NF1: variants seen among roughly 807,000 people sequenced by gnomAD.
The protein encoded by NF1 is neurofibromin 1, also known as neurofibromin.
In NF1, 122 loss-of-function variants were observed where a neutral mutation model predicts 325.7. The observed-to-expected ratio is 0.37, with a 90% CI of 0.32 to 0.44. The LOEUF (loss-of-function observed/expected upper bound fraction) is 0.44. Ranked by LOEUF, NF1 falls within the 20% of genes least tolerant of loss-of-function variation. The pLI is 1.00. For missense variants in NF1, 2,140 were observed against 3,415.4 expected, an observed-to-expected ratio of 0.63 and a Z score of 9.31; for synonymous variants, 1,091 against 1,186.0, an observed-to-expected ratio of 0.92 and a Z score of 1.65.
intron 3 of NF1, among the ~76,000 whole-genome samples, chr17:31,162,342 T>C (rs1193600571): frequency 6.6e-6 from 1 of 152,142 alleles, no homozygotes; most frequent in East Asian, 1.9e-4. Flanking sequence ...CTGGGCATGG[T>C]GGCGGGCGCC....
At chr17:31,162,329 T>G (rs1278595779) in intron 3 of NF1, among the ~76,000 whole-genome samples, 6 of 151,958 alleles carry the variant, frequency 3.9e-5, no homozygotes, top group Non-Finnish European at 8.8e-5. Context: ...ATACAAAAAT[T>G]AGCTGGGCAT....
intron 8 of NF1, among the ~76,000 whole-genome samples, chr17:31,191,465 G>A (rs2066341171): frequency 6.6e-6 from 1 of 152,164 alleles, no homozygotes; most frequent in Admixed American, 6.5e-5. Context: ...AGGAACTACT[G>A]ACTCGGCAAC....
Position 31,374,024 on chromosome 17 carries a change from G to A in NF1, c.8389G>A (p.Glu2797Lys), listed in dbSNP as rs1567634460. The part of the protein sequence containing the change: ...TSQHSPGIDK[E>K]NVELSPTTGH... ...CTCTTTTTCTCCAGGAATCGACAAG[G>A]AGAACGTTGAACTCTCCCCTACCAC... The change falls in exon 58 of 58, where the codon GAG becomes AAG. Residue 2797 changes from glutamate to lysine, a missense_variant. By Grantham distance (56) the Glu-to-Lys change is moderately conservative. This residue lies in a region of NF1 where 522 missense variants were observed against 749.0 expected (regional missense o/e 0.70). Coordinates refer to ENST00000358273, the MANE Select transcript of NF1 (RefSeq NM_001042492.3). 1.2e-6 allele frequency: 2 copies of A among 1,614,042 alleles called. No individual in the cohort carries two copies. The highest frequency in any genetic ancestry group is 2.2e-5 in the South Asian group (2 of 91,080).
intron 36 of NF1, among the ~76,000 whole-genome samples, chr17:31,313,394 T>C (rs932247663): frequency 6.6e-6 from 1 of 152,256 alleles, no homozygotes; most frequent in East Asian, 1.9e-4. Context: ...TTTTTAATTC[T>C]AAAACTAAGG....
intron 3 of NF1, among the ~76,000 whole-genome samples, chr17:31,162,518 A>G (rs1007105696): frequency 2.0e-5 from 3 of 152,192 alleles, no homozygotes; most frequent in African/African-American, 7.2e-5. Flanking sequence ...AAAAATGCCT[A>G]TGAAAGACAT....
chr17:31,246,082 C>A (rs1261314861), intron 29 of NF1, among the ~76,000 whole-genome samples: 1 of 152,068 alleles, frequency 6.6e-6, no homozygotes, highest in East Asian at 1.9e-4. Context: ...ATCACAATAC[C>A]CTTGAATTAT....
intron 57 of NF1, among the ~76,000 whole-genome samples, chr17:31,364,815 T>C (rs956835660): frequency 1.3e-5 from 2 of 152,242 alleles, no homozygotes; most frequent in Non-Finnish European, 2.9e-5. Flanking sequence ...TTGCATTGAC[T>C]GTGACCCTTT....
rs1567786812 is a variant in NF1, at chr17:31,095,325, C to A, written c.16C>A (p.Pro6Thr). The A allele has an allele frequency of 6.5e-7, 1 of 1,538,694 alleles. No homozygotes were observed. Among genetic ancestry groups the A allele is most frequent in the Non-Finnish European group, 8.7e-7 (1 of 1,146,226 alleles). Residue 6 changes from proline to threonine, a missense_variant, in exon 1 of 58, where the codon CCG (proline) becomes ACG (threonine). By Grantham distance (38) the Pro-to-Thr change is conservative. This residue lies in a region of NF1 where 246 missense variants were observed against 347.8 expected (regional missense o/e 0.71). Coordinates refer to ENST00000358273, the MANE Select transcript of NF1 (RefSeq NM_001042492.3). Reference protein sequence around the residue: MAAHRPVEWVQAVVSR... With the variant: MAAHRTVEWVQAVVSR... Reference sequence around the variant, plus strand: ...CGGGGAGGACATGGCCGCGCACAGGCCGGTGGAATGGGTCCAGGCCGTGGT... The same window carrying A: ...CGGGGAGGACATGGCCGCGCACAGGACGGTGGAATGGGTCCAGGCCGTGGT...
At chr17:31,349,278 A>G (rs1413382787) in intron 49 of NF1, 27 bp downstream of exon 49, 1 of 1,604,612 alleles carries the variant, frequency 6.2e-7, no homozygotes, top group Non-Finnish European at 8.5e-7. Context: ...AACAAAATTA[A>G]TCTTGCTACA....
intron 1 of NF1, among the ~76,000 whole-genome samples, chr17:31,099,843 G>A (rs1912144196): frequency 6.6e-6 from 1 of 151,962 alleles, no homozygotes; most frequent in African/African-American, 2.4e-5. Flanking sequence ...TTACAGGCGT[G>A]AGCCACCACG....
intron 36 of NF1, among the ~76,000 whole-genome samples, chr17:31,280,427 G>C (rs759663460): frequency 3.4e-5 from 5 of 147,728 alleles, no homozygotes; most frequent in Middle Eastern, 3.6e-3. Context: ...TGGGGCAGGA[G>C]AATCGCTTGA....
At chr17:31,358,666 A>C (rs2151585331) in intron 55 of NF1, 44 bp downstream of exon 55, 1 of 1,609,698 alleles carries the variant, frequency 6.2e-7, no homozygotes. Flanking sequence ...GAACTTGCTA[A>C]CATGCGCGCT....
At chr17:31,106,687 A>C (rs1912894881) in intron 1 of NF1, among the ~76,000 whole-genome samples, 1 of 152,182 alleles carries the variant, frequency 6.6e-6, no homozygotes, top group Non-Finnish European at 1.5e-5. Context: ...AATAGATGTA[A>C]ATTTTAAGCA....
intron 20 of NF1, among the ~76,000 whole-genome samples, chr17:31,228,052 G>A (rs2067046942): frequency 6.6e-6 from 1 of 152,154 alleles, no homozygotes; most frequent in Admixed American, 6.5e-5. Flanking sequence ...GAGCAACAGA[G>A]GTAGAGATAA....
At chr17:31,357,510 G>A (rs2070303336) in intron 54 of NF1, 141 bp downstream of exon 54, 7 of 723,804 alleles carry the variant, frequency 9.7e-6, no homozygotes. Flanking sequence ...TAGGTTTAAT[G>A]AGGGTTAAGA....
intron 45 of NF1, 38 bp downstream of exon 45, chr17:31,338,177 G>T (rs781079412): frequency 7.2e-7 from 1 of 1,394,252 alleles, no homozygotes; most frequent in Non-Finnish European, 1.0e-6. Flanking sequence ...AATATTTATG[G>T]TTCTCAAGTT....
intron 22 of NF1, 71 bp downstream of exon 22, chr17:31,230,045 G>T (rs1193931178): frequency 5.1e-6 from 8 of 1,571,456 alleles, no homozygotes; most frequent in Middle Eastern, 2.3e-4. Context: ...ACTGATACTG[G>T]TAGTAATTGA....
chr17:31,115,514 C>T (rs746038942), intron 1 of NF1, among the ~76,000 whole-genome samples: 8 of 152,136 alleles, frequency 5.3e-5, no homozygotes, highest in Non-Finnish European at 1.2e-4. Flanking sequence ...TACTTGTGCC[C>T]CTTGATTCTC....
intron 36 of NF1, among the ~76,000 whole-genome samples, chr17:31,309,552 C>T (rs2214538): frequency 0.47 from 71,766 of 152,034 alleles, 19,660 homozygotes; most frequent in Non-Finnish European, 0.62. Context: ...CTCTTCAGAA[C>T]TTCATTTTAA....
Sources: gnomAD v4.1 joint callset for allele counts (sites outside exome capture counted in the v4.1 genomes callset) on GRCh38, gnomAD v4.1.1 for gene constraint, gnomAD v4.1.1 regional missense constraint, MANE v1.5 for transcripts, NCBI Gene and HGNC (gene_info 2026-07-23, HGNC 2026-07-21) for gene names.